The following NLGN1 variants were observed in gnomAD, a reference collection of about 807,000 sequenced individuals.
The protein encoded by NLGN1 is neuroligin-1.
In NLGN1, 12 loss-of-function variants were observed where a neutral mutation model predicts 65.5. The ratio of observed to expected loss-of-function variants is 0.18; its 90% CI spans 0.12 to 0.30. NLGN1 has a LOEUF of 0.30. Among genes scored for constraint, NLGN1 ranks in the 10% least tolerant of loss-of-function variants. NLGN1 has a pLI of 1.00. For synonymous variants in NLGN1, 350 were observed against 359.5 expected, an observed-to-expected ratio of 0.97 and a Z score of 0.30; for missense variants, 750 against 1,007.1, an observed-to-expected ratio of 0.74 and a Z score of 3.46.
At chr3:174,090,086 A>G (rs879577056) in intron 4 of NLGN1, among the ~76,000 whole-genome samples, 3 of 152,134 alleles carry the variant, frequency 2.0e-5, no homozygotes, top group Non-Finnish European at 4.4e-5. Flanking sequence ...AAAAAATGTA[A>G]TCACTTTTTC....
intron 4 of NLGN1, among the ~76,000 whole-genome samples, chr3:173,966,884 G>A (rs568162747): frequency 6.6e-6 from 1 of 152,266 alleles, no homozygotes; most frequent in African/African-American, 2.4e-5. Context: ...CATGAACCAA[G>A]TTTTTAGGTT....
chr3:173,900,316 G>A (rs1737105626), intron 4 of NLGN1, among the ~76,000 whole-genome samples: 1 of 151,950 alleles, frequency 6.6e-6, no homozygotes, highest in Non-Finnish European at 1.5e-5. Context: ...CCTTCTCAGG[G>A]CCTGACCATA....
At position 173,413,445 on chromosome 3, in the gene NLGN1, C is replaced by G. The variant is rs371010620; in HGVS notation, c.-390+14958C>G. 4.0e-5 allele frequency among the ~76,000 whole-genome samples: 6 copies of G among 151,730 alleles called. No individual in the cohort carries two copies. In the East Asian group the frequency reaches 9.7e-4, roughly 25 times the overall value. On this transcript the variant is annotated intron_variant, in intron 1 of 6. Coordinates refer to ENST00000457714, the Ensembl canonical transcript of NLGN1. Reference sequence around the variant, plus strand: ...TGAAACCCCATCTCTACTAAAAATACAAAAATAAGCTGGGCGTGGTGGCAT... The same window carrying G: ...TGAAACCCCATCTCTACTAAAAATAGAAAAATAAGCTGGGCGTGGTGGCAT...
chr3:173,597,905 A>G (rs1378277269), intron 2 of NLGN1, among the ~76,000 whole-genome samples: 2 of 152,070 alleles, frequency 1.3e-5, no homozygotes, highest in Non-Finnish European at 2.9e-5. Flanking sequence ...TTCAGACTTC[A>G]AGTTATCTTC....
intron 4 of NLGN1, among the ~76,000 whole-genome samples, chr3:174,068,703 A>G (rs1212149551): frequency 6.6e-6 from 1 of 152,182 alleles, no homozygotes; most frequent in African/African-American, 2.4e-5. Context: ...AAAAGAAGTT[A>G]TATTTGATAT....
At chr3:173,877,856 C>G (rs897993672) in intron 4 of NLGN1, among the ~76,000 whole-genome samples, 5 of 152,104 alleles carry the variant, frequency 3.3e-5, no homozygotes, top group Non-Finnish European at 7.4e-5. Context: ...CCATTAACAT[C>G]ACCATTTTAT....
Position 173,477,151 on chromosome 3 carries a change from C to A in NLGN1, c.-321+42073C>A, listed in dbSNP as rs191246203. 2.0e-5 allele frequency among the ~76,000 whole-genome samples: 3 copies of A among 151,982 alleles called. No individual in the cohort carries two copies. The East Asian group carries it at 5.8e-4, about 29-fold the overall frequency. On this transcript the variant is annotated intron_variant, in intron 2 of 6. Transcript: ENST00000457714. ...AGAAATGGGATGTCATTTCTAGTAA[C>A]AATGTAATGTAAGTGGGTGTCAATG...
At chr3:173,445,267 CAAA>C (rs60140480) in intron 2 of NLGN1, among the ~76,000 whole-genome samples, 63,866 of 103,394 alleles carry the variant, frequency 0.62, 16,831 homozygotes, top group East Asian at 0.82. Flanking sequence ...GACTCCGTCT[CAAA>C]AAAAAAAAAA....
chr3:173,432,030 G>A (rs991456739), intron 1 of NLGN1, among the ~76,000 whole-genome samples: 4 of 152,074 alleles, frequency 2.6e-5, no homozygotes, highest in African/African-American at 9.7e-5. Context: ...ATGCATGTAA[G>A]GTTCCTCCAT....
upstream of NLGN1, among the ~76,000 whole-genome samples, chr3:173,397,205 G>T (rs1419677340): frequency 1.3e-5 from 2 of 152,140 alleles, no homozygotes; most frequent in East Asian, 3.9e-4. Flanking sequence ...CACAGTGGAG[G>T]AGATTCGCCT....
intron 4 of NLGN1, among the ~76,000 whole-genome samples, chr3:173,851,803 A>C (rs1226395440): frequency 1.3e-5 from 2 of 152,182 alleles, no homozygotes; most frequent in African/African-American, 2.4e-5. Context: ...AGGTTTGAAG[A>C]ATTTTTCTGT....
rs1341336952 is a variant in NLGN1 at position 173,499,380 on chromosome 3, T to C, written c.-321+64302T>C. Among the ~76,000 whole-genome samples the C allele has an allele frequency of 1.3e-5, 2 of 151,796 alleles. 1 individual carries two copies. Among genetic ancestry groups the C allele is most frequent in the African/African-American group, 4.9e-5 (2 of 41,080 alleles). Reference sequence around the variant, plus strand: ...AGATAGTTGTAGATGTGTGGTATTATTTCTGAGAGCTCTGTTCTGTTCCAT... The same window carrying C: ...AGATAGTTGTAGATGTGTGGTATTACTTCTGAGAGCTCTGTTCTGTTCCAT... On this transcript the variant is annotated intron_variant, in intron 2 of 6. Coordinates refer to ENST00000457714, the Ensembl canonical transcript of NLGN1.
At chr3:173,873,753 A>G (rs1731618093) in intron 4 of NLGN1, among the ~76,000 whole-genome samples, 1 of 152,190 alleles carries the variant, frequency 6.6e-6, no homozygotes, top group Non-Finnish European at 1.5e-5. Flanking sequence ...TCAGCTGCAC[A>G]GCCTGTCTCT....
At chr3:173,483,864 A>G (rs1345476484) in intron 2 of NLGN1, among the ~76,000 whole-genome samples, 1 of 152,208 alleles carries the variant, frequency 6.6e-6, no homozygotes, top group Non-Finnish European at 1.5e-5. Context: ...TTTGAACCAC[A>G]TAAATGAACA....
Position 173,463,168 on chromosome 3 carries a change from G to T in NLGN1, c.-321+28090G>T, listed in dbSNP as rs1017197553. Among the ~76,000 whole-genome samples the T allele has an allele frequency of 5.3e-5, 8 of 152,180 alleles. No individual in the cohort carries two copies. The East Asian group carries it at 5.8e-4, about 11-fold the overall frequency. On this transcript the variant is annotated intron_variant, in intron 2 of 6. Transcript: ENST00000457714. The stretch of plus-strand genomic sequence containing the variant: ...ATGCTAGGATGTATGCAAGTGGTCT[G>T]TGACTCTACAGGTAACCTCTACCCA...
intron 4 of NLGN1, among the ~76,000 whole-genome samples, chr3:174,226,553 A>G (rs752956105): frequency 6.6e-6 from 1 of 152,128 alleles, no homozygotes; most frequent in Non-Finnish European, 1.5e-5. Context: ...TTGGGGAACT[A>G]TTGAAGACTA....
intron 4 of NLGN1, among the ~76,000 whole-genome samples, chr3:173,911,681 AACTG>A (rs1346321181): frequency 6.6e-6 from 1 of 151,732 alleles, no homozygotes; most frequent in Non-Finnish European, 1.5e-5. Context: ...GACTGGCTCT[AACTG>A]ACTGTCAGTT....
intron 4 of NLGN1, among the ~76,000 whole-genome samples, chr3:174,055,993 A>C (rs1012529978): frequency 3.9e-5 from 6 of 151,956 alleles, no homozygotes; most frequent in African/African-American, 1.4e-4. Flanking sequence ...TTATCGAATA[A>C]GAGAGCAGAT....
chr3:173,454,833 A>G (rs1357827888), intron 2 of NLGN1, among the ~76,000 whole-genome samples: 1 of 152,202 alleles, frequency 6.6e-6, no homozygotes, highest in Non-Finnish European at 1.5e-5. Context: ...TTGTGTGTTC[A>G]GTAGGTAACA....
Sources: gnomAD v4.1 joint callset for allele counts (sites outside exome capture counted in the v4.1 genomes callset) on GRCh38, gnomAD v4.1.1 for gene constraint, MANE v1.5 for transcripts, NCBI Gene and HGNC (gene_info 2026-07-23, HGNC 2026-07-21) for gene names.